CORO2B: variants seen among roughly 807,000 people sequenced by gnomAD.
The protein encoded by CORO2B is coronin 2B.
Under a neutral mutation model 58.8 loss-of-function variants are expected in CORO2B, and 26 were observed. That is an observed-to-expected ratio of 0.44 (90% CI 0.32 to 0.61). The LOEUF (loss-of-function observed/expected upper bound fraction) is 0.61, where lower values mean the gene tolerates loss of function less well. Ranked by LOEUF, CORO2B falls within the 20% of genes least tolerant of loss-of-function variation. CORO2B has a pLI of 0.04. For synonymous variants in CORO2B, 242 were observed against 253.8 expected, an observed-to-expected ratio of 0.95 and a Z score of 0.44; for missense variants, 460 against 645.1, an observed-to-expected ratio of 0.71 and a Z score of 3.11.
chr15:68,582,251 T>C (rs1899444703), intron 1 of CORO2B, among the ~76,000 whole-genome samples: 1 of 152,222 alleles, frequency 6.6e-6, no homozygotes, highest in African/African-American at 2.4e-5. Flanking sequence ...CTCCTGGCTA[T>C]GTTTTAAACT....
At chr15:68,700,507 T>C (rs902770690) in intron 3 of CORO2B, among the ~76,000 whole-genome samples, 2 of 152,152 alleles carry the variant, frequency 1.3e-5, no homozygotes, top group Non-Finnish European at 2.9e-5. Context: ...TTCCCCTCCC[T>C]GAGCAGGAGG....
the CORO2B span, among the ~76,000 whole-genome samples, chr15:68,553,295 A>G: frequency 6.6e-6 from 1 of 152,188 alleles, no homozygotes; most frequent in Admixed American, 6.5e-5. Context: ...CTCTACAGAT[A>G]TAATTAAGGA....
chr15:68,719,003 C>T (rs1893097605), intron 9 of CORO2B, 141 bp from the exon 10 acceptor site: 13 of 848,058 alleles, frequency 1.5e-5, no homozygotes, highest in Admixed American at 3.8e-5. Flanking sequence ...CAGGTAGTTC[C>T]AGGAGGGAGA....
At chr15:68,623,117 A>G (rs1900572760) in intron 1 of CORO2B, among the ~76,000 whole-genome samples, 1 of 152,154 alleles carries the variant, frequency 6.6e-6, no homozygotes, top group Admixed American at 6.5e-5. Context: ...GTGAGCCGAG[A>G]TCACGCTACT....
At chr15:68,721,472 A>G (rs1893158447) in intron 11 of CORO2B, among the ~76,000 whole-genome samples, 3 of 151,998 alleles carry the variant, frequency 2.0e-5, no homozygotes, top group Non-Finnish European at 4.4e-5. Context: ...TTGAGAGGCC[A>G]AGGCGGGTGG....
In CORO2B at chr15:68,673,328, G is replaced by A. The variant is rs1444622622; in HGVS notation, c.217-21812G>A. Among the ~76,000 whole-genome samples, 4 of 149,756 alleles carry A rather than the reference G, an allele frequency of 2.7e-5. No individual in the cohort carries two copies. In the East Asian group the frequency reaches 7.9e-4, roughly 30 times the overall value. The stretch of plus-strand genomic sequence containing the variant: ...AGGTGGGAGGATTGCTTGAGCCCAG[G>A]AGTTCCAAACCAGCCTGGGCAACCC... On this transcript the variant is annotated intron_variant, in intron 2 of 11. Coordinates refer to ENST00000261861, the MANE Select transcript of CORO2B (RefSeq NM_006091.5).
chr15:68,535,414 T>TA, the CORO2B span, among the ~76,000 whole-genome samples: 1 of 152,230 alleles, frequency 6.6e-6, no homozygotes, highest in African/African-American at 2.4e-5. Flanking sequence ...ATATTGATGA[T>TA]AACTAATTAC....
chr15:68,575,819 C>T (rs1428358613), upstream of CORO2B, among the ~76,000 whole-genome samples: 1 of 151,596 alleles, frequency 6.6e-6, no homozygotes, highest in African/African-American at 2.4e-5. Flanking sequence ...TACTGGAGAC[C>T]CAGGATGAGT....
intron 2 of CORO2B, among the ~76,000 whole-genome samples, chr15:68,661,732 C>T (rs917118141): frequency 3.3e-5 from 5 of 152,058 alleles, no homozygotes; most frequent in African/African-American, 1.2e-4. Flanking sequence ...CAGGGCCTGG[C>T]GTGGTAGCTC....
chr15:68,586,964 A>G (rs1899575499), intron 1 of CORO2B, among the ~76,000 whole-genome samples: 2 of 151,886 alleles, frequency 1.3e-5, no homozygotes, highest in African/African-American at 4.8e-5. Flanking sequence ...AGTGGGCTCA[A>G]TTATGACCAT....
intron 1 of CORO2B, among the ~76,000 whole-genome samples, chr15:68,634,859 C>T (rs1900977281): frequency 6.6e-6 from 1 of 152,202 alleles, no homozygotes; most frequent in Non-Finnish European, 1.5e-5. Context: ...AGGGTGGGGC[C>T]TGGGATTCTC....
intron 2 of CORO2B, among the ~76,000 whole-genome samples, chr15:68,687,051 CAA>C (rs1290569767): frequency 6.6e-6 from 1 of 152,192 alleles, no homozygotes; most frequent in Non-Finnish European, 1.5e-5. Flanking sequence ...CATGTGGACT[CAA>C]TATGGATTCC....
At chr15:68,551,703 T>A in the CORO2B span, among the ~76,000 whole-genome samples, 1 of 152,248 alleles carries the variant, frequency 6.6e-6, no homozygotes, top group Non-Finnish European at 1.5e-5. Flanking sequence ...TGGCGCCTTC[T>A]ATCCTTTAGA....
intron 4 of CORO2B, among the ~76,000 whole-genome samples, chr15:68,711,280 G>A (rs1422619319): frequency 1.3e-5 from 2 of 152,200 alleles, no homozygotes; most frequent in African/African-American, 4.8e-5. Context: ...CATGGGACCT[G>A]ACAAGGAACA....
intron 3 of CORO2B, among the ~76,000 whole-genome samples, chr15:68,699,709 C>T (rs775968484): frequency 3.3e-5 from 5 of 152,156 alleles, no homozygotes; most frequent in African/African-American, 4.8e-5. Context: ...GAGGCTGGAT[C>T]CCAACCTCTC....
At chr15:68,690,640 A>AGCTT (rs1892333991) in intron 2 of CORO2B, among the ~76,000 whole-genome samples, 1 of 134,150 alleles carries the variant, frequency 7.5e-6, no homozygotes, top group Non-Finnish European at 1.6e-5. Context: ...TGATCACGTT[A>AGCTT]GCTTTCTTTT....
rs74020256 is a variant in CORO2B at position 68,616,563 on chromosome 15, G to T, written c.16-28597G>T. 8.7e-3 allele frequency: 8,570 copies of T among 985,390 alleles called. 499 individuals carry two copies. In the African/African-American group the frequency reaches 0.13, roughly 15 times the overall value. The allele number at this position is 985,390 out of a possible 1,614,324, so 61.0% of individuals were successfully genotyped here. A position where few individuals can be genotyped will look rare whatever the true frequency, so the allele number is the denominator to read the frequency against. On this transcript the variant is annotated intron_variant, in intron 1 of 11. Coordinates refer to ENST00000261861, the MANE Select transcript of CORO2B (RefSeq NM_006091.5). ...AGATTCAAACCGCCTGCTGGGTGCCGTGGGCCATTGTGCAAGTCTTCCAGG... is the reference window on the plus strand; with the variant it reads ...AGATTCAAACCGCCTGCTGGGTGCCTTGGGCCATTGTGCAAGTCTTCCAGG...
chr15:68,541,311 C>G, the CORO2B span, among the ~76,000 whole-genome samples: 2 of 151,970 alleles, frequency 1.3e-5, no homozygotes. Flanking sequence ...TCAGGGTCAT[C>G]ATGTTCATTT....
chr15:68,629,378 T>C (rs1900765228), intron 1 of CORO2B, among the ~76,000 whole-genome samples: 1 of 152,334 alleles, frequency 6.6e-6, no homozygotes, highest in South Asian at 2.1e-4. Context: ...GAGCTGATTC[T>C]GTTGGAGGAA....
Sources: gnomAD v4.1 joint callset for allele counts (sites outside exome capture counted in the v4.1 genomes callset) on GRCh38, gnomAD v4.1.1 for gene constraint, MANE v1.5 for transcripts, NCBI Gene and HGNC (gene_info 2026-07-23, HGNC 2026-07-21) for gene names.